CERS6: variants seen among roughly 807,000 people sequenced by gnomAD.
The protein encoded by CERS6 is ceramide synthase 6, also known as LAG1 homolog, ceramide synthase 6.
In CERS6, 26 loss-of-function variants were observed where a neutral mutation model predicts 56.8. That is an observed-to-expected ratio of 0.46 (90% CI 0.34 to 0.63). The LOEUF (loss-of-function observed/expected upper bound fraction) is 0.63. Among genes scored for constraint, CERS6 ranks in the 30% least tolerant of loss-of-function variants. CERS6 has a pLI of 0.01. For synonymous variants in CERS6, 164 were observed against 173.3 expected, an observed-to-expected ratio of 0.95 and a Z score of 0.42; for missense variants, 415 against 467.5, an observed-to-expected ratio of 0.89 and a Z score of 1.04.
chr2:168,739,167 C>T (rs557226858), intron 8 of CERS6, among the ~76,000 whole-genome samples: 69 of 147,894 alleles, frequency 4.7e-4, no homozygotes, highest in Admixed American at 2.3e-3. Context: ...CCTCGGCCTC[C>T]CAAAGTGCTA....
chr2:168,587,653 T>G (rs1479271074), intron 3 of CERS6, among the ~76,000 whole-genome samples: 1 of 151,978 alleles, frequency 6.6e-6, no homozygotes, highest in African/African-American at 2.4e-5. Flanking sequence ...AGGAGTAGTT[T>G]GAGAAAAAAA....
At chr2:168,559,754 T>TATATATATATATATATATATATATA (rs56014027) in intron 2 of CERS6, among the ~76,000 whole-genome samples, 146 of 123,770 alleles carry the variant, frequency 1.2e-3, no homozygotes, top group East Asian at 1.7e-3. Context: ...TATATATATA[T>TATATATATATATATATATATATATA]TTCACCCTTA....
chr2:168,538,343 C>T (rs1695303840), intron 1 of CERS6, among the ~76,000 whole-genome samples: 3 of 152,000 alleles, frequency 2.0e-5, no homozygotes, highest in Admixed American at 2.0e-4. Flanking sequence ...CTGGCTAACT[C>T]TATACTAGCC....
At chr2:168,548,466 GT>G (rs995874572) in intron 2 of CERS6, among the ~76,000 whole-genome samples, 1 of 152,146 alleles carries the variant, frequency 6.6e-6, no homozygotes, top group Non-Finnish European at 1.5e-5. Flanking sequence ...AAATTACCGA[GT>G]TTTTATATAT....
At chr2:168,656,808 C>T (rs1445974800) in intron 4 of CERS6, among the ~76,000 whole-genome samples, 1 of 152,206 alleles carries the variant, frequency 6.6e-6, no homozygotes, top group African/African-American at 2.4e-5. Context: ...CACCCACATC[C>T]TGCTGATTGG....
At chr2:168,712,294 A>G (rs931192902) in intron 6 of CERS6, among the ~76,000 whole-genome samples, 4 of 152,154 alleles carry the variant, frequency 2.6e-5, no homozygotes, top group African/African-American at 9.7e-5. Context: ...ACATCCACCA[A>G]CCTTAGCACT....
chr2:168,702,175 GTATTAATTT>G (rs1296426954), intron 6 of CERS6, among the ~76,000 whole-genome samples: 1 of 152,094 alleles, frequency 6.6e-6, no homozygotes, highest in African/African-American at 2.4e-5. Flanking sequence ...GGGGCCAACA[GTATTAATTT>G]TATTAAACCT....
At chr2:168,681,015 A>T (rs903809246) in intron 4 of CERS6, among the ~76,000 whole-genome samples, 1 of 152,228 alleles carries the variant, frequency 6.6e-6, no homozygotes, top group Non-Finnish European at 1.5e-5. Flanking sequence ...GAGCTTGTCC[A>T]TTGCATCTTC....
intron 2 of CERS6, 37 bp from the exon 3 acceptor site, chr2:168,561,154 TG>T: frequency 6.2e-7 from 1 of 1,609,886 alleles, no homozygotes; most frequent in Non-Finnish European, 8.5e-7. Flanking sequence ...AAAATGAAAA[TG>T]GATTGAAAAT....
In CERS6 at chr2:168,456,463, A is replaced by T. The variant is rs749869350; in HGVS notation, c.15A>T (p.Leu5Phe). 1 of 1,613,632 alleles carries T rather than the reference A, an allele frequency of 6.2e-7. No individual in the cohort carries two copies. Among genetic ancestry groups the T allele is most frequent in the Admixed American group, 1.7e-5 (1 of 60,008 alleles). The change falls in exon 1 of 10, where the codon TTA becomes TTT. Residue 5 changes from leucine to phenylalanine, a missense_variant. Leu to Phe is a conservative substitution (Grantham distance 22). Coordinates refer to ENST00000305747, the MANE Select transcript of CERS6 (RefSeq NM_203463.3). The surrounding 1 kb of genome is among the most constrained non-coding windows in gnomAD (Gnocchi z 4.1). MAGI[L>F]AWFWNERFWL... ...GACAAAGCAAGATGGCAGGGATCTT[A>T]GCCTGGTTCTGGAACGAGAGGTTTT...
chr2:168,629,939 C>T (rs968831884), intron 3 of CERS6, among the ~76,000 whole-genome samples: 20 of 151,768 alleles, frequency 1.3e-4, no homozygotes, highest in Non-Finnish European at 2.5e-4. Context: ...CCTCAACCTC[C>T]TCAAGTAGGT....
intron 6 of CERS6, among the ~76,000 whole-genome samples, chr2:168,698,600 C>A (rs1414844035): frequency 6.6e-6 from 1 of 152,114 alleles, no homozygotes; most frequent in Non-Finnish European, 1.5e-5. Flanking sequence ...TCCCACCAGG[C>A]CCCTTCATAT....
chr2:168,696,332 A>G (rs1686646356), intron 6 of CERS6, among the ~76,000 whole-genome samples: 1 of 152,018 alleles, frequency 6.6e-6, no homozygotes, highest in African/African-American at 2.4e-5. Flanking sequence ...CGTTTTTGCC[A>G]CTCCGTATAC....
chr2:168,673,137 AATT>A (rs375144259), intron 4 of CERS6, among the ~76,000 whole-genome samples: 14 of 152,166 alleles, frequency 9.2e-5, no homozygotes, highest in African/African-American at 3.1e-4. Flanking sequence ...TAATTTCCTA[AATT>A]ATTATCATCA....
chr2:168,662,127 CT>C (rs71397658), intron 4 of CERS6, among the ~76,000 whole-genome samples: 161 of 136,784 alleles, frequency 1.2e-3, no homozygotes, highest in East Asian at 4.7e-3. Flanking sequence ...AAGGCTGTCT[CT>C]TTTTTTTTTT....
At chr2:168,515,790 C>T (rs756140999) in intron 1 of CERS6, among the ~76,000 whole-genome samples, 7 of 152,142 alleles carry the variant, frequency 4.6e-5, no homozygotes, top group South Asian at 2.1e-4. Flanking sequence ...GAATCTGTAA[C>T]GAGGCAATTT....
At chr2:168,737,979 T>G (rs759727386) in intron 8 of CERS6, among the ~76,000 whole-genome samples, 36 of 152,298 alleles carry the variant, frequency 2.4e-4, no homozygotes, top group Admixed American at 4.6e-4. Context: ...TACATATATA[T>G]AGAGAGAGGT....
At chr2:168,627,683 C>T (rs1404401057) in intron 3 of CERS6, among the ~76,000 whole-genome samples, 2 of 150,826 alleles carry the variant, frequency 1.3e-5, no homozygotes, top group Admixed American at 6.6e-5. Flanking sequence ...GTCAGAACAT[C>T]GCTTTGAATT....
chr2:168,596,809 G>A (rs927994192), intron 3 of CERS6, among the ~76,000 whole-genome samples: 1 of 152,088 alleles, frequency 6.6e-6, no homozygotes, highest in Non-Finnish European at 1.5e-5. Context: ...TGGAATTACA[G>A]GTGTGAACCA....
Sources: gnomAD v4.1 joint callset for allele counts (sites outside exome capture counted in the v4.1 genomes callset) on GRCh38, gnomAD v4.1.1 for gene constraint, Gnocchi (gnomAD v3.1) non-coding constraint, MANE v1.5 for transcripts, NCBI Gene and HGNC (gene_info 2026-07-23, HGNC 2026-07-21) for gene names.